Variants in AGPAT1 observed in about 807,000 individuals in gnomAD.
AGPAT1 encodes 1-acyl-sn-glycerol-3-phosphate acyltransferase alpha.
A neutral mutation model predicts 31.2 loss-of-function variants in AGPAT1; 6 were observed. The ratio of observed to expected loss-of-function variants is 0.19; its 90% CI spans 0.11 to 0.38. The LOEUF is 0.38. Ranked by LOEUF, AGPAT1 falls within the 10% of genes least tolerant of loss-of-function variation. The pLI is 1.00. For missense variants in AGPAT1, 187 were observed against 377.8 expected (o/e 0.49, Z 4.19); for synonymous variants, 139 against 154.0 (o/e 0.90, Z 0.72).
Position 32,170,785 on chromosome 6 carries a change from G to T in AGPAT1, c.334+152C>A. 7.9e-7 allele frequency: 1 copy of T among 1,271,058 alleles called. No individual in the cohort carries two copies. The highest frequency in any genetic ancestry group is 1.1e-6 in the Non-Finnish European group (1 of 899,018). The allele number at this position is 1,271,058 out of a possible 1,614,324, so 78.7% of individuals were successfully genotyped here. The stretch of plus-strand genomic sequence containing the variant: ...TATATGTAACCTGCTTATGAGGGCA[G>T]TTCTACCCAGGGAATGAAGGCCTGA... On this transcript the variant is annotated intron_variant, in intron 3 of 6. Transcript: ENST00000375107. The surrounding 1 kb of genome is among the most constrained non-coding windows in gnomAD (Gnocchi z 7.7).
In AGPAT1 at chr6:32,169,189, G is replaced by A. The variant is rs1239752553; in HGVS notation, c.*87C>T. The A allele has an allele frequency of 7.2e-7, 1 of 1,390,378 alleles. No homozygotes were observed. Among genetic ancestry groups the A allele is most frequent in the Admixed American group, 1.9e-5 (1 of 52,128 alleles). 86.1% of individuals were successfully genotyped at this position (1,390,378 alleles called of 1,614,324 possible). ...GTGGGGAGAGGGGAGACAAGGAAGA[G>A]GGTTTGGCCCTGCTTCAGGGCCCAC... On this transcript the variant is annotated 3_prime_UTR_variant, in exon 7 of 7. Transcript: ENST00000375107. The surrounding 1 kb of genome is among the most constrained non-coding windows in gnomAD (Gnocchi z 5.9).
rs536254117 is a variant in AGPAT1, at chr6:32,170,728, G to A, written c.335-128C>T. 83 of 1,372,988 alleles carry A rather than the reference G, an allele frequency of 6.0e-5. No individual in the cohort carries two copies. The African/African-American group carries it at 1.1e-3, about 19-fold the overall frequency. The allele number at this position is 1,372,988 out of a possible 1,614,324, so 85.1% of individuals were successfully genotyped here. A position where few individuals can be genotyped will look rare whatever the true frequency, so the allele number is the denominator to read the frequency against. ...GAAGGAGGAGACTAGGCAGGGAGGG[G>A]GGCCCCAAGTGAAGGAAAGGGTGAC... On this transcript the variant is annotated intron_variant, in intron 3 of 6. Coordinates refer to ENST00000375107, the MANE Select transcript of AGPAT1 (RefSeq NM_006411.4). The surrounding 1 kb of genome is among the most constrained non-coding windows in gnomAD (Gnocchi z 7.7).
In AGPAT1 at chr6:32,175,929, C is replaced by T; in HGVS notation, c.-125G>A. On this transcript the variant is annotated 5_prime_UTR_variant, in exon 1 of 7. Coordinates refer to ENST00000375107, the MANE Select transcript of AGPAT1 (RefSeq NM_006411.4). The surrounding 1 kb of genome is among the most constrained non-coding windows in gnomAD (Gnocchi z 4.5). ...CGGGGTGTCGGTGCCAAGGGGGCGACGGGATTTGGGGGTGTCCTAGCCCCG... is the reference window on the plus strand; with the variant it reads ...CGGGGTGTCGGTGCCAAGGGGGCGATGGGATTTGGGGGTGTCCTAGCCCCG... 5 of 985,756 alleles carry T rather than the reference C, an allele frequency of 5.1e-6. No individual in the cohort carries two copies. Among genetic ancestry groups the T allele is most frequent in the Non-Finnish European group, 6.0e-6 (5 of 830,202 alleles). 61.1% of individuals were successfully genotyped at this position (985,756 alleles called of 1,614,324 possible). A position where few individuals can be genotyped will look rare whatever the true frequency, so the allele number is the denominator to read the frequency against.
In AGPAT1 at chr6:32,169,981, G is replaced by A; in HGVS notation, c.664C>T (p.Arg222Cys). 2 of 1,613,428 alleles carry A rather than the reference G, an allele frequency of 1.2e-6. No homozygotes were observed. Among genetic ancestry groups the A allele is most frequent in the Non-Finnish European group, 1.7e-6 (2 of 1,179,952 alleles). Residue 222 changes from arginine (R) to cysteine (C), a missense_variant, in exon 6 of 7, where the codon CGT (arginine) becomes TGT (cysteine). Coordinates refer to ENST00000375107, the MANE Select transcript of AGPAT1 (RefSeq NM_006411.4). The surrounding 1 kb of genome is among the most constrained non-coding windows in gnomAD (Gnocchi z 5.9). ...AAGCCCTCACCCGAGGTGAAGCGACGCTCCTTCTTGCAGTAGAAGTCTTGG... is the reference window on the plus strand; with the variant it reads ...AAGCCCTCACCCGAGGTGAAGCGACACTCCTTCTTGCAGTAGAAGTCTTGG... ...SYQDFYCKKE[R>C]RFTSGQCQVR...
At chr6:32,176,677 A>C (rs1044342204), upstream of AGPAT1, 18 of 211,718 alleles carry the variant, frequency 8.5e-5, no homozygotes, top group East Asian at 7.9e-4. Flanking sequence ...TTTAAAGAGA[A>C]GAGATCTCTT....
At chr6:32,176,247 C>A, upstream of AGPAT1, 1 of 743,754 alleles carries the variant, frequency 1.3e-6, no homozygotes, top group Non-Finnish European at 1.6e-6. Context: ...CAGGGCTCTC[C>A]CTCGGTCTTT....
chr6:32,176,620 C>T (rs1785586905), upstream of AGPAT1: 1 of 678,798 alleles, frequency 1.5e-6, no homozygotes, highest in African/African-American at 1.9e-5. Flanking sequence ...TTGTCCCTCA[C>T]TATCTCCCAG....
Position 32,171,126 on chromosome 6 carries a change from C to T in AGPAT1, c.201-56G>A, listed in dbSNP as rs555476427. The stretch of plus-strand genomic sequence containing the variant: ...GATCCATTGATGTCCATCTGCATGC[C>T]TCAGCTCCCCCCACCTTACTGTCTT... On this transcript the variant is annotated intron_variant, in intron 2 of 6. Coordinates refer to ENST00000375107, the MANE Select transcript of AGPAT1 (RefSeq NM_006411.4). The surrounding 1 kb of genome is among the most constrained non-coding windows in gnomAD (Gnocchi z 6.9). 1.7e-5 allele frequency: 27 copies of T among 1,595,154 alleles called. No individual in the cohort carries two copies. Among genetic ancestry groups the T allele is most frequent in the Non-Finnish European group, 2.2e-5 (26 of 1,168,040 alleles).
rs983321063 is a variant in AGPAT1, at chr6:32,169,230, G to A, written c.*46C>T. ...CAGGGCCCACTGGGTGGGTAGGTGTGGGGAGGAAGATGGGGACAGATGGGA... is the reference window on the plus strand; with the variant it reads ...CAGGGCCCACTGGGTGGGTAGGTGTAGGGAGGAAGATGGGGACAGATGGGA... On this transcript the variant is annotated 3_prime_UTR_variant, in exon 7 of 7. Transcript: ENST00000375107. This position sits in a 1 kb window ranked among gnomAD's most constrained non-coding sequence, Gnocchi z 5.9. 1.3e-6 allele frequency: 2 copies of A among 1,596,682 alleles called. No homozygotes were observed. Among genetic ancestry groups the A allele is most frequent in the African/African-American group, 2.7e-5 (2 of 74,688 alleles).
chr6:32,177,370 G>A (rs1016191377), upstream of AGPAT1: 1 of 332,886 alleles, frequency 3.0e-6, no homozygotes, highest in African/African-American at 2.1e-5. Flanking sequence ...TAGCCTCCGC[G>A]GGTCTCCTTA....
chr6:32,176,027 C>T lies in AGPAT1; in HGVS notation c.-223G>A. ...GAATGGTGGGGGGCTGTCCCCCCAG[C>T]ACCCTCCCTCCCTCCCTTTCTGCTG... On this transcript the variant is annotated 5_prime_UTR_variant, in exon 1 of 7. Coordinates refer to ENST00000375107, the MANE Select transcript of AGPAT1 (RefSeq NM_006411.4). The T allele has an allele frequency of 1.0e-6, 1 of 984,450 alleles. No individual in the cohort carries two copies. Among genetic ancestry groups the T allele is most frequent in the Non-Finnish European group, 1.2e-6 (1 of 829,086 alleles). The allele number at this position is 984,450 out of a possible 1,614,324, so 61.0% of individuals were successfully genotyped here. A position where few individuals can be genotyped will look rare whatever the true frequency, so the allele number is the denominator to read the frequency against.
At position 32,170,671 on chromosome 6, in the gene AGPAT1, C is replaced by T. The variant is rs776098739; in HGVS notation, c.335-71G>A. 2.6e-6 allele frequency: 4 copies of T among 1,549,056 alleles called. No individual in the cohort carries two copies. In the African/African-American group the frequency reaches 5.4e-5, roughly 21 times the overall value. ...GTCACAGAAGGCAACCCACCTCACC[C>T]AGCTCATCACCCTCTGGTAGGGACT... On this transcript the variant is annotated intron_variant, in intron 3 of 6. Coordinates refer to ENST00000375107, the MANE Select transcript of AGPAT1 (RefSeq NM_006411.4). This position sits in a 1 kb window ranked among gnomAD's most constrained non-coding sequence, Gnocchi z 7.7.
chr6:32,172,724 TCA>T lies in AGPAT1; in HGVS notation c.-9-1221_-9-1220del, dbSNP rs1348997508. 6.6e-6 allele frequency among the ~76,000 whole-genome samples: 1 copy of T among 152,308 alleles called. No homozygotes were observed. The highest frequency in any genetic ancestry group is 1.9e-4 in the East Asian group (1 of 5,190). Reference sequence around the variant, plus strand: ...ATATATGGTGATTGTGACAGAACACTCACAGCCATATACCCAAGGGCCAAATG... The same window carrying T: ...ATATATGGTGATTGTGACAGAACACTCAGCCATATACCCAAGGGCCAAATG... On this transcript the variant is annotated intron_variant, in intron 1 of 6. Coordinates refer to ENST00000375107, the MANE Select transcript of AGPAT1 (RefSeq NM_006411.4). This position sits in a 1 kb window ranked among gnomAD's most constrained non-coding sequence, Gnocchi z 4.3.
chr6:32,172,898 C>G lies in AGPAT1; in HGVS notation c.-9-1393G>C, dbSNP rs1258088348. The G allele has an allele frequency of 6.6e-6, 1 of 152,212 alleles. No homozygotes were observed. Among genetic ancestry groups the G allele is most frequent in the African/African-American group, 2.4e-5 (1 of 41,442 alleles). The allele number at this position is 152,212 out of a possible 1,614,324, so 9.4% of individuals were successfully genotyped here. A position where few individuals can be genotyped will look rare whatever the true frequency, so the allele number is the denominator to read the frequency against. ...ATAACTAGAAAAATCCCTCTCCACC[C>G]AGGCAGCTCCCCTATTCCTAGGTAA... On this transcript the variant is annotated intron_variant, in intron 1 of 6. Coordinates refer to ENST00000375107, the MANE Select transcript of AGPAT1 (RefSeq NM_006411.4). This position sits in a 1 kb window ranked among gnomAD's most constrained non-coding sequence, Gnocchi z 4.3.
rs747761876 is a variant in AGPAT1 at position 32,169,967 on chromosome 6, C to G, written c.678G>C (p.Ser226=). The G allele has an allele frequency of 1.9e-6, 3 of 1,612,776 alleles. No homozygotes were observed. The highest frequency in any genetic ancestry group is 4.5e-5 in the East Asian group (2 of 44,876). Reference sequence around the variant, plus strand: ...CCCAGAACTGCTCAAAGCCCTCACCCGAGGTGAAGCGACGCTCCTTCTTGC... The same window carrying G: ...CCCAGAACTGCTCAAAGCCCTCACCGGAGGTGAAGCGACGCTCCTTCTTGC... ...FYCKKERRFT[S]GQCQVRVLPP... is the part of the protein sequence containing the mutation. Residue 226 remains serine, a splice_region_variant and synonymous_variant, in exon 6 of 7, where the codon TCG becomes TCC. Transcript: ENST00000375107. This position sits in a 1 kb window ranked among gnomAD's most constrained non-coding sequence, Gnocchi z 5.9.
Position 32,168,252 on chromosome 6 carries a change from A to C in AGPAT1, c.*1024T>G, listed in dbSNP as rs1802036. On this transcript the variant is annotated 3_prime_UTR_variant, in exon 7 of 7. Coordinates refer to ENST00000375107, the MANE Select transcript of AGPAT1 (RefSeq NM_006411.4). This position sits in a 1 kb window ranked among gnomAD's most constrained non-coding sequence, Gnocchi z 4.5. ...ATTTTCAGTTTTTTTGCTGTTATCCAGATAATTAATAAAAACCAACCACGC... is the reference window on the plus strand; with the variant it reads ...ATTTTCAGTTTTTTTGCTGTTATCCCGATAATTAATAAAAACCAACCACGC... The C allele has an allele frequency of 9.2e-5, 39 of 424,472 alleles. No individual in the cohort carries two copies. The highest frequency in any genetic ancestry group is 3.0e-5 in the Non-Finnish European group (7 of 236,752). The allele number at this position is 424,472 out of a possible 1,614,324, so 26.3% of individuals were successfully genotyped here. A position where few individuals can be genotyped will look rare whatever the true frequency, so the allele number is the denominator to read the frequency against.
chr6:32,168,781 G>T lies in AGPAT1; in HGVS notation c.*495C>A, dbSNP rs538661229. 48 of 159,184 alleles carry T rather than the reference G, an allele frequency of 3.0e-4. No homozygotes were observed. Among genetic ancestry groups the T allele is most frequent in the African/African-American group, 8.4e-4 (35 of 41,698 alleles). 9.9% of individuals were successfully genotyped at this position (159,184 alleles called of 1,614,324 possible). ...GAGGAAAGCTCCCATGATGAGCCTG[G>T]GAGTGCTTCAGGTATCAGCTTCCAG... On this transcript the variant is annotated 3_prime_UTR_variant, in exon 7 of 7. Coordinates refer to ENST00000375107, the MANE Select transcript of AGPAT1 (RefSeq NM_006411.4). This position sits in a 1 kb window ranked among gnomAD's most constrained non-coding sequence, Gnocchi z 4.5.
rs373091193 is a variant in AGPAT1 at position 32,170,640 on chromosome 6, C to A, written c.335-40G>T. 5 of 1,600,132 alleles carry A rather than the reference C, an allele frequency of 3.1e-6. No homozygotes were observed. Among genetic ancestry groups the A allele is most frequent in the Non-Finnish European group, 3.4e-6 (4 of 1,176,834 alleles). ...GAGTGGGTGAGGATCGGGGTGGAGGCAGAGTGTCACAGAAGGCAACCCACC... is the reference window on the plus strand; with the variant it reads ...GAGTGGGTGAGGATCGGGGTGGAGGAAGAGTGTCACAGAAGGCAACCCACC... On this transcript the variant is annotated intron_variant, in intron 3 of 6. Coordinates refer to ENST00000375107, the MANE Select transcript of AGPAT1 (RefSeq NM_006411.4). This position sits in a 1 kb window ranked among gnomAD's most constrained non-coding sequence, Gnocchi z 7.7.
Position 32,173,686 on chromosome 6 carries a change from C to T in AGPAT1, c.-10+2128G>A, listed in dbSNP as rs1489148310. 6.6e-6 allele frequency among the ~76,000 whole-genome samples: 1 copy of T among 152,234 alleles called. No homozygotes were observed. Among genetic ancestry groups the T allele is most frequent in the Non-Finnish European group, 1.5e-5 (1 of 68,040 alleles). On this transcript the variant is annotated intron_variant, in intron 1 of 6. Coordinates refer to ENST00000375107, the MANE Select transcript of AGPAT1 (RefSeq NM_006411.4). This position sits in a 1 kb window ranked among gnomAD's most constrained non-coding sequence, Gnocchi z 4.7. ...TTCATGCTTCCCCACCTTGAACATG[C>T]TGTTCCCTTTGGCTGGAATGCCTGT...
Sources: allele counts gnomAD v4.1 joint callset (sites outside exome capture counted in the v4.1 genomes callset), GRCh38; gene constraint gnomAD v4.1.1; non-coding constraint Gnocchi (gnomAD v3.1); transcripts MANE v1.5; gene names NCBI Gene and HGNC (gene_info 2026-07-23, HGNC 2026-07-21).